Variants in PDE3A observed in about 807,000 individuals in gnomAD.
PDE3A encodes cGMP-inhibited 3',5'-cyclic phosphodiesterase 3A.
In PDE3A, 43 loss-of-function variants were observed where a neutral mutation model predicts 98.3. The observed-to-expected ratio is 0.44, with a 90% CI of 0.34 to 0.56. The LOEUF (loss-of-function observed/expected upper bound fraction) is 0.56, where lower values mean the gene tolerates loss of function less well. Among genes scored for constraint, PDE3A ranks in the 20% least tolerant of loss-of-function variants. PDE3A has a pLI of 0.01. For synonymous variants in PDE3A, 663 were observed against 567.9 expected, an observed-to-expected ratio of 1.17 and a Z score of -2.38; for missense variants, 1,427 against 1,440.7, an observed-to-expected ratio of 0.99 and a Z score of 0.15.
At chr12:20,546,972 A>G (rs898932680) in intron 1 of PDE3A, among the ~76,000 whole-genome samples, 2 of 152,088 alleles carry the variant, frequency 1.3e-5, no homozygotes, top group Non-Finnish European at 2.9e-5. Context: ...GTAAATACCA[A>G]ATATATAGCT....
chr12:20,531,484 G>C (rs945085852), intron 1 of PDE3A, among the ~76,000 whole-genome samples: 1 of 152,000 alleles, frequency 6.6e-6, no homozygotes, highest in African/African-American at 2.4e-5. Flanking sequence ...TAGATAAGAA[G>C]GTACTCCTCT....
At chr12:20,577,997 C>G (rs183059677) in intron 2 of PDE3A, among the ~76,000 whole-genome samples, 23 of 152,172 alleles carry the variant, frequency 1.5e-4, no homozygotes, top group Non-Finnish European at 2.8e-4. Flanking sequence ...GAGGGGCAGT[C>G]CTGTGAGAAT....
At chr12:20,481,251 A>C (rs1229912364) in intron 1 of PDE3A, among the ~76,000 whole-genome samples, 1 of 152,190 alleles carries the variant, frequency 6.6e-6, no homozygotes, top group East Asian at 1.9e-4. Flanking sequence ...CAGATGTTTA[A>C]ATTACCTTTC....
At chr12:20,676,115 G>C (rs1382218545) in intron 15 of PDE3A, among the ~76,000 whole-genome samples, 1 of 151,922 alleles carries the variant, frequency 6.6e-6, no homozygotes, top group African/African-American at 2.4e-5. Flanking sequence ...GTTTTCTGTA[G>C]TGCTAACATT....
chr12:20,416,419 T>C (rs1470820112), intron 1 of PDE3A, among the ~76,000 whole-genome samples: 2 of 152,164 alleles, frequency 1.3e-5, no homozygotes, highest in Admixed American at 1.3e-4. Flanking sequence ...TGAATGCATG[T>C]GTGTGTATGT....
At chr12:20,671,723 A>G in intron 15 of PDE3A, among the ~76,000 whole-genome samples, 3 of 142,490 alleles carry the variant, frequency 2.1e-5, no homozygotes, top group South Asian at 2.5e-4. Context: ...GCTATCTATG[A>G]CAAACCCACA....
intron 1 of PDE3A, among the ~76,000 whole-genome samples, chr12:20,433,094 G>A (rs1310241589): frequency 6.6e-6 from 1 of 152,128 alleles, no homozygotes; most frequent in Non-Finnish European, 1.5e-5. Flanking sequence ...TAGATGAAGA[G>A]TGAGGAAGAA....
chr12:20,482,936 G>T (rs1445573089), intron 1 of PDE3A, among the ~76,000 whole-genome samples: 2 of 152,102 alleles, frequency 1.3e-5, no homozygotes, highest in Non-Finnish European at 2.9e-5. Context: ...TGCAAAGTAC[G>T]ATATGACGTA....
Position 20,639,952 on chromosome 12 carries a change from T to C in PDE3A, c.2246T>C (p.Ile749Thr), listed in dbSNP as rs781066043. The C allele has an allele frequency of 7.8e-7, 1 of 1,274,576 alleles. No individual in the cohort carries two copies. The highest frequency in any genetic ancestry group is 1.2e-5 in the South Asian group (1 of 83,856). 79.0% of individuals were successfully genotyped at this position (1,274,576 alleles called of 1,614,324 possible). ...FHALEIGYRDIPYHNRIHATD... is the reference protein window; with the variant it reads ...FHALEIGYRDTPYHNRIHATD... ...GCTTTGGAGATTGGATATAGGGATATTCCTTGTAAGTATATGTGATTTGTG... is the reference window on the plus strand; with the variant it reads ...GCTTTGGAGATTGGATATAGGGATACTCCTTGTAAGTATATGTGATTTGTG... Residue 749 changes from isoleucine (I) to threonine (T), a missense_variant, in exon 10 of 16, where the codon ATT becomes ACT. This residue lies in a region of PDE3A where 273 missense variants were observed against 420.3 expected (regional missense o/e 0.65). Coordinates refer to ENST00000359062, the MANE Select transcript of PDE3A (RefSeq NM_000921.5).
At chr12:20,628,417 A>G (rs1944313177) in intron 5 of PDE3A, among the ~76,000 whole-genome samples, 1 of 152,224 alleles carries the variant, frequency 6.6e-6, no homozygotes, top group Non-Finnish European at 1.5e-5. Flanking sequence ...CGTAAGGAGC[A>G]ATGCAAACGC....
chr12:20,629,652 AC>A (rs1944338816), intron 5 of PDE3A, among the ~76,000 whole-genome samples: 2 of 152,308 alleles, frequency 1.3e-5, no homozygotes, highest in Non-Finnish European at 2.9e-5. Context: ...AAGTTACTCC[AC>A]GACACCAGGG....
intron 1 of PDE3A, among the ~76,000 whole-genome samples, chr12:20,499,018 T>A (rs1399624908): frequency 6.6e-6 from 1 of 152,118 alleles, no homozygotes; most frequent in African/African-American, 2.4e-5. Flanking sequence ...TATGCATGTG[T>A]TTTTGCACTT....
chr12:20,518,271 A>G (rs1000961115), intron 1 of PDE3A, among the ~76,000 whole-genome samples: 14 of 152,180 alleles, frequency 9.2e-5, no homozygotes, highest in African/African-American at 2.4e-4. Flanking sequence ...TTGCATGAAT[A>G]TATAAAGACT....
At chr12:20,672,139 AG>A (rs1384827134) in intron 15 of PDE3A, among the ~76,000 whole-genome samples, 1 of 149,852 alleles carries the variant, frequency 6.7e-6, no homozygotes, top group Non-Finnish European at 1.5e-5. Context: ...CCAACTTACA[AG>A]GGATGTGAAG....
chr12:20,577,132 C>T (rs1240136824), intron 2 of PDE3A, among the ~76,000 whole-genome samples: 2 of 152,088 alleles, frequency 1.3e-5, no homozygotes, highest in African/African-American at 4.8e-5. Context: ...GAACCACCCC[C>T]ACCCCCAAAC....
chr12:20,674,727 G>A (rs1309977901), intron 15 of PDE3A, among the ~76,000 whole-genome samples: 2 of 151,910 alleles, frequency 1.3e-5, no homozygotes, highest in Non-Finnish European at 2.9e-5. Context: ...TTTCTAGTTT[G>A]CTAATACATA....
At chr12:20,533,162 C>T (rs1006546945) in intron 1 of PDE3A, among the ~76,000 whole-genome samples, 2 of 152,006 alleles carry the variant, frequency 1.3e-5, no homozygotes, top group Admixed American at 6.5e-5. Flanking sequence ...AGGTGCCAGG[C>T]ACAGCTAGGC....
At chr12:20,628,992 C>T (rs1339840521) in intron 5 of PDE3A, among the ~76,000 whole-genome samples, 2 of 152,154 alleles carry the variant, frequency 1.3e-5, no homozygotes, top group Non-Finnish European at 1.5e-5. Flanking sequence ...AAATAGACAA[C>T]GACTTTTAAT....
At chr12:20,377,916 T>A (rs1293592730) in intron 1 of PDE3A, among the ~76,000 whole-genome samples, 1 of 151,734 alleles carries the variant, frequency 6.6e-6, no homozygotes, top group Non-Finnish European at 1.5e-5. Flanking sequence ...TTCATGATGA[T>A]TAGTCTATAA....
Sources: allele counts gnomAD v4.1 joint callset (sites outside exome capture counted in the v4.1 genomes callset), GRCh38; gene constraint gnomAD v4.1.1; regional missense constraint gnomAD v4.1.1; transcripts MANE v1.5; gene names NCBI Gene and HGNC (gene_info 2026-07-23, HGNC 2026-07-21).